SLMAP: variants seen among roughly 807,000 people sequenced by gnomAD.
The protein encoded by SLMAP is sarcolemma associated protein.
A neutral mutation model predicts 128.8 loss-of-function variants in SLMAP; 44 were observed. The ratio of observed to expected loss-of-function variants is 0.34; its 90% CI spans 0.27 to 0.44. The LOEUF (loss-of-function observed/expected upper bound fraction) is 0.44. Ranked by LOEUF, SLMAP falls within the 20% of genes least tolerant of loss-of-function variation. SLMAP has a pLI of 1.00. For missense variants in SLMAP, 787 were observed against 985.3 expected, an observed-to-expected ratio of 0.80 and a Z score of 2.69; for synonymous variants, 327 against 348.8, an observed-to-expected ratio of 0.94 and a Z score of 0.70.
At chr3:57,884,508 A>C (rs963084995) in intron 14 of SLMAP, among the ~76,000 whole-genome samples, 5 of 152,226 alleles carry the variant, frequency 3.3e-5, no homozygotes, top group African/African-American at 1.2e-4. Flanking sequence ...AGAGAAACAC[A>C]TATTGATACT....
intron 4 of SLMAP, among the ~76,000 whole-genome samples, chr3:57,845,837 TC>T (rs954891584): frequency 4.0e-5 from 6 of 151,244 alleles, no homozygotes; most frequent in African/African-American, 1.2e-4. Context: ...TATGATTATC[TC>T]CCCCCCACCT....
At chr3:57,923,127 G>A (rs1375271966) in intron 23 of SLMAP, 104 bp downstream of exon 23, 4 of 1,019,832 alleles carry the variant, frequency 3.9e-6, no homozygotes, top group East Asian at 2.4e-5. Flanking sequence ...AAATGGTACA[G>A]ATGAAATAGG....
chr3:57,900,019 G>A (rs913417828), intron 17 of SLMAP: 27 of 152,126 alleles, frequency 1.8e-4, no homozygotes, highest in African/African-American at 6.5e-4. Flanking sequence ...GTTTGTATCT[G>A]TATAATTAGG....
intron 4 of SLMAP, among the ~76,000 whole-genome samples, chr3:57,844,319 C>T (rs962075157): frequency 6.6e-6 from 1 of 151,802 alleles, no homozygotes; most frequent in Non-Finnish European, 1.5e-5. Context: ...GCTTGAACCC[C>T]GGAGGCGGAA....
chr3:57,802,360 C>T (rs1176666962), intron 2 of SLMAP, among the ~76,000 whole-genome samples: 1 of 152,032 alleles, frequency 6.6e-6, no homozygotes, highest in East Asian at 1.9e-4. Context: ...TCACTGCAAC[C>T]TCCGTCTCCT....
intron 22 of SLMAP, chr3:57,917,994 C>T (rs939639920): frequency 1.3e-5 from 2 of 152,204 alleles, no homozygotes; most frequent in Non-Finnish European, 2.9e-5. Context: ...TTTCTTTGCA[C>T]TTTTCTTTCC....
chr3:57,914,310 C>G (rs1399110545), intron 21 of SLMAP, among the ~76,000 whole-genome samples: 1 of 152,150 alleles, frequency 6.6e-6, no homozygotes, highest in African/African-American at 2.4e-5. Context: ...GAGAGGATCA[C>G]TTGAGCCTAG....
At position 57,922,918 on chromosome 3, in the gene SLMAP, A is replaced by G; in HGVS notation, c.2340A>G (p.Glu780=). ...AAAAGACACAGACTGTACTCTCAGA[A>G]CTGAAGTTGAAGTTTGAAATGACTG... is the stretch of plus-strand genomic sequence containing the variant. ...EYEKTQTVLS[E]LKLKFEMTEQ... is the part of the protein sequence containing the mutation. The change falls in exon 23 of 25, where the codon GAA becomes GAG. Residue 780 remains glutamate, a synonymous_variant. Transcript: ENST00000671191. 22 of 1,613,686 alleles carry G rather than the reference A, an allele frequency of 1.4e-5. No homozygotes were observed. The highest frequency in any genetic ancestry group is 1.9e-5 in the Non-Finnish European group (22 of 1,179,970).
At chr3:57,870,093 A>C (rs2095445658) in intron 13 of SLMAP, among the ~76,000 whole-genome samples, 1 of 152,098 alleles carries the variant, frequency 6.6e-6, no homozygotes, top group African/African-American at 2.4e-5. Context: ...CCTCTTTAAT[A>C]AATGTCATCT....
At chr3:57,920,367 C>A (rs2096895023) in intron 22 of SLMAP, among the ~76,000 whole-genome samples, 1 of 152,208 alleles carries the variant, frequency 6.6e-6, no homozygotes, top group Non-Finnish European at 1.5e-5. Flanking sequence ...TTACCTCCCT[C>A]TCTGTACCTA....
intron 2 of SLMAP, among the ~76,000 whole-genome samples, chr3:57,786,635 CA>C: frequency 6.7e-6 from 1 of 149,032 alleles, no homozygotes; most frequent in Middle Eastern, 3.5e-3. Context: ...TGGTTCACTA[CA>C]ACCTCCGCCT....
intron 2 of SLMAP, among the ~76,000 whole-genome samples, chr3:57,812,687 T>C (rs988343193): frequency 6.6e-6 from 1 of 152,210 alleles, no homozygotes; most frequent in Non-Finnish European, 1.5e-5. Context: ...TTAAGACTTC[T>C]ATGATTATGG....
chr3:57,757,996 C>A (rs2077900038), intron 2 of SLMAP, 147 bp downstream of exon 2: 2 of 680,416 alleles, frequency 2.9e-6, no homozygotes, highest in Non-Finnish European at 5.0e-6. Flanking sequence ...GTTTGTGTGC[C>A]TGGTTCTAGT....
chr3:57,792,436 T>G (rs751538867), intron 2 of SLMAP, among the ~76,000 whole-genome samples: 20 of 151,848 alleles, frequency 1.3e-4, no homozygotes, highest in Non-Finnish European at 2.9e-4. Context: ...TAGGGGACTG[T>G]CTTATTTGCT....
chr3:57,806,972 A>C (rs1286963627), intron 2 of SLMAP, among the ~76,000 whole-genome samples: 1 of 152,202 alleles, frequency 6.6e-6, no homozygotes, highest in African/African-American at 2.4e-5. Context: ...ACTAATTTAT[A>C]TTCCCACCAA....
rs371406459 is a variant in SLMAP at position 57,795,812 on chromosome 3, T to C, written c.199-35571T>C. 2.0e-3 allele frequency among the ~76,000 whole-genome samples: 303 copies of C among 152,254 alleles called. 2 individuals are homozygous for C. The highest frequency in any genetic ancestry group is 6.9e-3 in the African/African-American group (285 of 41,546). Reference sequence around the variant, plus strand: ...ATCCCAAACAGAAACACTGTACCCATTAAATAATAACTCTCCCTTCCCCCT... The same window carrying C: ...ATCCCAAACAGAAACACTGTACCCACTAAATAATAACTCTCCCTTCCCCCT... On this transcript the variant is annotated intron_variant, in intron 2 of 24. Coordinates refer to ENST00000671191, the MANE Select transcript of SLMAP (RefSeq NM_001377540.1).
At chr3:57,773,923 C>T (rs1648961262) in intron 2 of SLMAP, among the ~76,000 whole-genome samples, 2 of 152,104 alleles carry the variant, frequency 1.3e-5, no homozygotes, top group African/African-American at 2.4e-5. Flanking sequence ...ATTTAAAATA[C>T]TGCAGTAAGC....
At chr3:57,759,284 T>G (rs1181020790) in intron 2 of SLMAP, among the ~76,000 whole-genome samples, 2 of 152,100 alleles carry the variant, frequency 1.3e-5, no homozygotes, top group Non-Finnish European at 2.9e-5. Context: ...TAATCCTTTT[T>G]TTTTTTTTTT....
intron 2 of SLMAP, among the ~76,000 whole-genome samples, chr3:57,784,310 T>C (rs1452364486): frequency 6.6e-6 from 1 of 152,172 alleles, no homozygotes; most frequent in East Asian, 1.9e-4. Context: ...TAGGGCTGCC[T>C]GAGGCCTTTG....
Sources: gnomAD v4.1 joint callset for allele counts (sites outside exome capture counted in the v4.1 genomes callset) on GRCh38, gnomAD v4.1.1 for gene constraint, MANE v1.5 for transcripts, NCBI Gene and HGNC (gene_info 2026-07-23, HGNC 2026-07-21) for gene names.